Variants in HMGB1 observed in about 807,000 individuals in gnomAD.
The protein encoded by HMGB1 is high mobility group protein B1.
For synonymous variants in HMGB1, 81 were observed against 84.0 expected, an observed-to-expected ratio of 0.96 and a Z score of 0.19; for missense variants, 79 against 253.5, an observed-to-expected ratio of 0.31 and a Z score of 4.67.
At chr13:30,584,061 AAGAGAG>A (rs369284323) in intron 1 of HMGB1, among the ~76,000 whole-genome samples, 2 of 149,696 alleles carry the variant, frequency 1.3e-5, no homozygotes, top group African/African-American at 2.4e-5. Context: ...AAAGGAAAAG[AAGAGAG>A]AGAGAGAGAG....
chr13:30,506,409 G>C (rs1316122720), intron 1 of HMGB1, among the ~76,000 whole-genome samples: 1 of 152,172 alleles, frequency 6.6e-6, no homozygotes, highest in Non-Finnish European at 1.5e-5. Flanking sequence ...TAGCACGGAG[G>C]CTACCCTCTT....
intron 1 of HMGB1, chr13:30,540,363 G>T: frequency 6.3e-6 from 1 of 159,442 alleles, no homozygotes. Context: ...CGACACTGGG[G>T]GATGTGTCTT....
intron 1 of HMGB1, among the ~76,000 whole-genome samples, chr13:30,610,557 TTAAA>T (rs1195152300): frequency 6.6e-6 from 1 of 151,808 alleles, no homozygotes; most frequent in African/African-American, 2.4e-5. Flanking sequence ...CCCAGAGAGG[TTAAA>T]TAATTTGCCT....
intron 1 of HMGB1, among the ~76,000 whole-genome samples, chr13:30,527,679 C>T (rs1279333176): frequency 6.6e-6 from 1 of 152,104 alleles, no homozygotes; most frequent in Non-Finnish European, 1.5e-5. Context: ...CAGCCCTGAC[C>T]CCACACCCAG....
chr13:30,563,271 A>G (rs1178244747), intron 1 of HMGB1, among the ~76,000 whole-genome samples: 4 of 152,196 alleles, frequency 2.6e-5, no homozygotes, highest in Non-Finnish European at 5.9e-5. Flanking sequence ...TGTTCCCTAT[A>G]TTGCCTGGCC....
chr13:30,526,537 C>CTAAA (rs112369277), intron 1 of HMGB1, among the ~76,000 whole-genome samples: 1 of 151,402 alleles, frequency 6.6e-6, no homozygotes, highest in African/African-American at 2.4e-5. Flanking sequence ...GATTCTTCAT[C>CTAAA]CAGAGAGATC....
At chr13:30,564,475 A>G (rs1870105099) in intron 1 of HMGB1, among the ~76,000 whole-genome samples, 1 of 151,956 alleles carries the variant, frequency 6.6e-6, no homozygotes, top group South Asian at 2.1e-4. Flanking sequence ...GTCTCAAAAA[A>G]CAAACAAACA....
chr13:30,547,769 C>T (rs1383501087), intron 1 of HMGB1, among the ~76,000 whole-genome samples: 1 of 151,930 alleles, frequency 6.6e-6, no homozygotes, highest in Non-Finnish European at 1.5e-5. Flanking sequence ...ATACAAAAAT[C>T]AGCCAGGCGT....
intron 1 of HMGB1, among the ~76,000 whole-genome samples, chr13:30,597,949 G>T (rs1312312812): frequency 1.3e-5 from 2 of 152,082 alleles, no homozygotes; most frequent in Admixed American, 1.3e-4. Context: ...TCTCTCCTAG[G>T]TGGGACATCT....
rs1886427753 is a variant in HMGB1, at chr13:30,462,635, A to G, written c.374T>C (p.Val125Ala). The G allele has an allele frequency of 6.2e-7, 1 of 1,610,854 alleles. No homozygotes were observed. Among genetic ancestry groups the G allele is most frequent in the Non-Finnish European group, 8.5e-7 (1 of 1,177,034 alleles). ...CCACATCTCTCCCAGTTTCTTCGCA[A>G]CATCACCAATGGACAGGCCAGGATG... Reference protein sequence around the residue: ...GEHPGLSIGDVAKKLGEMWNN... With the variant: ...GEHPGLSIGDAAKKLGEMWNN... Residue 125 changes from valine to alanine, a missense_variant, in exon 4 of 5, where the codon GTT becomes GCT. Coordinates refer to ENST00000341423, the MANE Select transcript of HMGB1 (RefSeq NM_002128.7).
At chr13:30,538,451 A>ATTCTTTTTCT (rs1326538298) in intron 1 of HMGB1, among the ~76,000 whole-genome samples, 11 of 90,686 alleles carry the variant, frequency 1.2e-4, no homozygotes, top group African/African-American at 5.6e-4. Flanking sequence ...AGTACTAGCA[A>ATTCTTTTTCT]TTCTTTCTTT....
At chr13:30,610,021 A>T (rs1950498905) in intron 1 of HMGB1, among the ~76,000 whole-genome samples, 1 of 152,246 alleles carries the variant, frequency 6.6e-6, no homozygotes, top group Non-Finnish European at 1.5e-5. Context: ...GGTGACAAGG[A>T]CGAAGATCTT....
rs1466793587 is a variant in HMGB1 at position 30,475,074 on chromosome 13, T to C, written c.-14-11380A>G. The stretch of plus-strand genomic sequence containing the variant: ...TTTTTTTTTTTTGAGACAGTCTCGC[T>C]CTGTCGCCTAGGCTGGAGTGCAGTG... On this transcript the variant is annotated intron_variant, in intron 1 of 4. Coordinates refer to the HMGB1 transcript ENST00000405805. 1.8e-5 allele frequency among the ~76,000 whole-genome samples: 2 copies of C among 111,352 alleles called. 1 individual carries two copies. The highest frequency in any genetic ancestry group is 3.5e-5 in the Non-Finnish European group (2 of 56,932). 73.1% of individuals were successfully genotyped at this position (111,352 alleles called of 152,430 possible).
At chr13:30,463,758 C>G (rs995630035) in intron 1 of HMGB1, 64 bp from the exon 2 acceptor site, 8 of 1,091,956 alleles carry the variant, frequency 7.3e-6, no homozygotes, top group Non-Finnish European at 1.0e-5. Context: ...CCTTAAAGTA[C>G]TTAGTAAGGG....
At chr13:30,534,568 T>G (rs1195945534) in intron 1 of HMGB1, among the ~76,000 whole-genome samples, 1 of 152,140 alleles carries the variant, frequency 6.6e-6, no homozygotes, top group Non-Finnish European at 1.5e-5. Flanking sequence ...TCTTACTCTT[T>G]TTTTCTATGT....
intron 1 of HMGB1, among the ~76,000 whole-genome samples, chr13:30,546,096 C>T (rs1278087753): frequency 6.6e-6 from 1 of 152,110 alleles, no homozygotes; most frequent in African/African-American, 2.4e-5. Flanking sequence ...CTATGGCACA[C>T]TGCTGGAGAC....
chr13:30,485,049 T>C (rs1471987453), intron 1 of HMGB1, among the ~76,000 whole-genome samples: 2 of 149,622 alleles, frequency 1.3e-5, no homozygotes, highest in Admixed American at 1.3e-4. Context: ...TTTTTTTTTT[T>C]GAGACAGAGT....
intron 1 of HMGB1, among the ~76,000 whole-genome samples, chr13:30,532,399 G>A (rs932974468): frequency 4.6e-5 from 7 of 151,296 alleles, no homozygotes; most frequent in Non-Finnish European, 7.4e-5. Context: ...AAGCAGTGAC[G>A]CAGATATCTT....
At chr13:30,532,313 C>T (rs1216633793) in intron 1 of HMGB1, among the ~76,000 whole-genome samples, 21 of 131,432 alleles carry the variant, frequency 1.6e-4, no homozygotes, top group African/African-American at 5.9e-4. Flanking sequence ...CCAGCCTGGG[C>T]GACAGAGCAA....
Sources: gnomAD v4.1 joint callset for allele counts (sites outside exome capture counted in the v4.1 genomes callset) on GRCh38, gnomAD v4.1.1 for gene constraint, MANE v1.5 for transcripts, NCBI Gene and HGNC (gene_info 2026-07-23, HGNC 2026-07-21) for gene names.